MIAT: variants seen among roughly 807,000 people sequenced by gnomAD.
MIAT encodes myocardial infarction associated transcript.
chr22:26,649,647 G>T (rs1210730528), intron 2 of MIAT, among the ~76,000 whole-genome samples: 2 of 152,252 alleles, frequency 1.3e-5, no homozygotes, highest in African/African-American at 4.8e-5. Flanking sequence ...GGGCACAGTG[G>T]CTCACGCCTG....
intron 2 of MIAT, among the ~76,000 whole-genome samples, chr22:26,662,160 T>C (rs890857469): frequency 1.3e-5 from 2 of 151,888 alleles, no homozygotes; most frequent in South Asian, 4.2e-4. Context: ...CCTTGATCTG[T>C]TACCCAGGCT....
chr22:26,650,307 C>T (rs1023061098), intron 2 of MIAT: 2 of 152,186 alleles, frequency 1.3e-5, no homozygotes. Flanking sequence ...GAGAAGTTGA[C>T]CCTGCTTCTA....
At chr22:26,648,963 C>T (rs1030991633) in intron 2 of MIAT, among the ~76,000 whole-genome samples, 1 of 148,500 alleles carries the variant, frequency 6.7e-6, no homozygotes, top group Non-Finnish European at 1.5e-5. Flanking sequence ...GACTACCAGG[C>T]TGAAGTCAAA....
downstream of MIAT, chr22:26,672,385 A>G: frequency 2.5e-6 from 1 of 399,342 alleles, no homozygotes; most frequent in Non-Finnish European, 4.4e-6. Flanking sequence ...AAGGCAGGGG[A>G]TGGCCCTATT....
chr22:26,651,819 G>A (rs1003396896), intron 2 of MIAT, among the ~76,000 whole-genome samples: 3 of 152,240 alleles, frequency 2.0e-5, no homozygotes, highest in Non-Finnish European at 4.4e-5. Flanking sequence ...TGGGCTGGAG[G>A]GGAAACTGGG....
At chr22:26,649,653 G>A (rs1222032904) in intron 2 of MIAT, among the ~76,000 whole-genome samples, 1 of 152,226 alleles carries the variant, frequency 6.6e-6, no homozygotes, top group Non-Finnish European at 1.5e-5. Context: ...AGTGGCTCAC[G>A]CCTGTAATCC....
At chr22:26,659,494 ACCC>A (rs1049309412) in intron 2 of MIAT, among the ~76,000 whole-genome samples, 2 of 151,620 alleles carry the variant, frequency 1.3e-5, no homozygotes, top group Non-Finnish European at 2.9e-5. Flanking sequence ...AACAACCATA[ACCC>A]CTTACCGCCA....
chr22:26,657,651 C>T, intron 2 of MIAT: 1 of 398,698 alleles, frequency 2.5e-6, no homozygotes, highest in Non-Finnish European at 4.4e-6. Flanking sequence ...ACCGCGGACC[C>T]GAGGTAAGAC....
chr22:26,654,998 T>C (rs5752374), intron 2 of MIAT, among the ~76,000 whole-genome samples: 75,417 of 152,050 alleles, frequency 0.5, 18,918 homozygotes, highest in East Asian at 0.68. Context: ...AGGCGTGAGC[T>C]GCTGCGCCCG....
chr22:26,668,721 T>G (rs1482883121), exon 6 of MIAT: 1 of 399,124 alleles, frequency 2.5e-6, no homozygotes, highest in African/African-American at 2.1e-5. Flanking sequence ...ATTTGCTCAG[T>G]GCGTAATTGT....
downstream of MIAT, chr22:26,673,658 C>G (rs1931151048): frequency 9.4e-6 from 2 of 213,696 alleles, no homozygotes; most frequent in Admixed American, 9.4e-5. Context: ...TTGAACTTGG[C>G]TAACACAGGT....
exon 4 of MIAT, chr22:26,666,061 A>C (rs761052216): frequency 1.5e-5 from 6 of 398,418 alleles, no homozygotes; most frequent in Non-Finnish European, 2.7e-5. Context: ...CTTTAGATGC[A>C]TTTTTCTCAG....
chr22:26,674,278 A>G (rs1382116842), downstream of MIAT: 2 of 398,642 alleles, frequency 5.0e-6, no homozygotes, highest in Admixed American at 8.8e-5. Context: ...TTTTTCTGGA[A>G]GGGACTTTTG....
At chr22:26,668,392 C>G in exon 6 of MIAT, 1 of 398,802 alleles carries the variant, frequency 2.5e-6, no homozygotes, top group Non-Finnish European at 4.4e-6. Context: ...CTCTGGAGGA[C>G]AGCTCCAGGG....
chr22:26,662,975 T>C (rs1355760913), intron 2 of MIAT, among the ~76,000 whole-genome samples: 1 of 152,222 alleles, frequency 6.6e-6, no homozygotes, highest in African/African-American at 2.4e-5. Flanking sequence ...TCTCATTTGA[T>C]CCTCATGACA....
chr22:26,672,103 C>A (rs1256875859), downstream of MIAT: 2 of 399,612 alleles, frequency 5.0e-6, no homozygotes, highest in African/African-American at 4.1e-5. Context: ...AACGGACCTG[C>A]GTGCGTTCTT....
chr22:26,654,268 G>T (rs1051850556), intron 2 of MIAT, among the ~76,000 whole-genome samples: 1 of 152,140 alleles, frequency 6.6e-6, no homozygotes, highest in East Asian at 1.9e-4. Flanking sequence ...AAGATACTTG[G>T]AGATAGGATC....
intron 2 of MIAT, among the ~76,000 whole-genome samples, chr22:26,650,974 T>G (rs1930326685): frequency 6.6e-6 from 1 of 151,788 alleles, no homozygotes; most frequent in African/African-American, 2.4e-5. Flanking sequence ...CCTTAGAGGG[T>G]GCTAAGACAG....
At chr22:26,672,709 C>A (rs755398800), downstream of MIAT, 1 of 399,016 alleles carries the variant, frequency 2.5e-6, no homozygotes, top group Non-Finnish European at 4.4e-6. Context: ...TGCCCCTCAC[C>A]GGAAATTAGC....
Sources: allele counts gnomAD v4.1 joint callset (sites outside exome capture counted in the v4.1 genomes callset), GRCh38; gene constraint gnomAD v4.1.1; transcripts MANE v1.5; gene names NCBI Gene and HGNC (gene_info 2026-07-23, HGNC 2026-07-21).